The following HSD17B12 variants were observed in gnomAD, a reference collection of about 807,000 sequenced individuals.
HSD17B12 encodes the protein very-long-chain 3-oxoacyl-CoA reductase.
In HSD17B12, 32 loss-of-function variants were observed where a neutral mutation model predicts 39.3. The observed-to-expected ratio is 0.81, with a 90% CI of 0.61 to 1.09. HSD17B12 has a LOEUF of 1.09. Among genes scored for constraint, HSD17B12 ranks in the 50% least tolerant of loss-of-function variants. The probability of loss-of-function intolerance (pLI) is 0.00; values close to 1 mark genes in which losing one functional copy is unlikely to be tolerated. For missense variants in HSD17B12, 342 were observed against 382.9 expected (o/e 0.89, Z 0.89); for synonymous variants, 150 against 146.7 (o/e 1.02, Z -0.16).
chr11:43,693,357 A>G (rs922765080), intron 1 of HSD17B12, among the ~76,000 whole-genome samples: 1 of 152,202 alleles, frequency 6.6e-6, no homozygotes, highest in Non-Finnish European at 1.5e-5. Flanking sequence ...ACATCATCAC[A>G]CATTCCTGAA....
intron 6 of HSD17B12, among the ~76,000 whole-genome samples, chr11:43,824,606 G>A (rs181910788): frequency 6.6e-6 from 1 of 152,160 alleles, no homozygotes; most frequent in African/African-American, 2.4e-5. Flanking sequence ...AATACCACGT[G>A]TGAGGGTGGA....
intron 4 of HSD17B12, among the ~76,000 whole-genome samples, chr11:43,810,575 C>G (rs961619111): frequency 1.2e-4 from 19 of 152,058 alleles, no homozygotes; most frequent in African/African-American, 4.3e-4. Context: ...CTGCCCTCCA[C>G]CACCTTTTCT....
the HSD17B12 span, among the ~76,000 whole-genome samples, chr11:43,674,129 A>G: frequency 6.6e-6 from 1 of 152,238 alleles, no homozygotes; most frequent in Admixed American, 6.5e-5. Flanking sequence ...ACCTGACACT[A>G]AAGGCCAGAG....
At chr11:43,576,313 C>A in the HSD17B12 span, among the ~76,000 whole-genome samples, 4 of 152,296 alleles carry the variant, frequency 2.6e-5, no homozygotes, top group African/African-American at 9.6e-5. Context: ...GCGTTTAATG[C>A]ACATTTAATG....
chr11:43,609,347 T>A, the HSD17B12 span, among the ~76,000 whole-genome samples: 1 of 148,252 alleles, frequency 6.7e-6, no homozygotes, highest in Non-Finnish European at 1.5e-5. Flanking sequence ...AAATATAAAA[T>A]ATATATAATA....
chr11:43,796,227 T>A (rs532995937), intron 3 of HSD17B12, among the ~76,000 whole-genome samples: 1 of 152,056 alleles, frequency 6.6e-6, no homozygotes, highest in Non-Finnish European at 1.5e-5. Flanking sequence ...TCTGGAGGTT[T>A]GTGAAGAGGT....
chr11:43,725,863 A>T (rs902734712), intron 1 of HSD17B12, among the ~76,000 whole-genome samples: 1 of 152,168 alleles, frequency 6.6e-6, no homozygotes, highest in African/African-American at 2.4e-5. Flanking sequence ...AGAGGAACAG[A>T]TATGAGAAAA....
At chr11:43,806,385 C>T (rs1951018168) in intron 4 of HSD17B12, 1 of 152,228 alleles carries the variant, frequency 6.6e-6, no homozygotes, top group African/African-American at 2.4e-5. Context: ...GATATCTGCA[C>T]TCTATGTTTA....
the HSD17B12 span, among the ~76,000 whole-genome samples, chr11:43,660,138 T>C: frequency 6.6e-6 from 1 of 152,126 alleles, no homozygotes; most frequent in Non-Finnish European, 1.5e-5. Flanking sequence ...CCCTCTCTGA[T>C]TTTCCTCTTC....
At chr11:43,587,562 A>G in the HSD17B12 span, among the ~76,000 whole-genome samples, 2 of 152,188 alleles carry the variant, frequency 1.3e-5, no homozygotes, top group African/African-American at 4.8e-5. Context: ...AATATTTGGA[A>G]CTTAGTTAAT....
intron 1 of HSD17B12, among the ~76,000 whole-genome samples, chr11:43,737,752 T>C (rs1201099779): frequency 6.6e-6 from 1 of 152,100 alleles, no homozygotes; most frequent in East Asian, 1.9e-4. Flanking sequence ...CAGTGTTAAA[T>C]GAAGAAGCAA....
intron 1 of HSD17B12, among the ~76,000 whole-genome samples, chr11:43,693,224 C>T (rs1174511618): frequency 1.3e-5 from 2 of 152,126 alleles, no homozygotes; most frequent in African/African-American, 2.4e-5. Context: ...ACGATAGGAG[C>T]GATGAGCAGC....
At chr11:43,824,284 T>A (rs1951211047) in intron 6 of HSD17B12, among the ~76,000 whole-genome samples, 1 of 152,166 alleles carries the variant, frequency 6.6e-6, no homozygotes, top group African/African-American at 2.4e-5. Context: ...TCCAGGTGAC[T>A]CCAAGTGTTC....
Position 43,815,512 on chromosome 11 carries a change from C to G in HSD17B12, c.456+11C>G. The G allele has an allele frequency of 6.6e-7, 1 of 1,521,710 alleles. No homozygotes were observed. 94.3% of individuals were successfully genotyped at this position (1,521,710 alleles called of 1,614,324 possible). A position where few individuals can be genotyped will look rare whatever the true frequency, so the allele number is the denominator to read the frequency against. On this transcript the variant is annotated intron_variant, in intron 5 of 10. Coordinates refer to ENST00000278353, the MANE Select transcript of HSD17B12 (RefSeq NM_016142.3). ...CCTGACTTGGACAATGTAAGTCTTT[C>G]TTTGTGTATTATGGTAACAAAAATA...
At chr11:43,688,743 A>C (rs991399320) in intron 1 of HSD17B12, among the ~76,000 whole-genome samples, 3 of 152,222 alleles carry the variant, frequency 2.0e-5, no homozygotes, top group Non-Finnish European at 4.4e-5. Context: ...CTTTGGAGTC[A>C]GTGGGCAAGC....
chr11:43,630,115 T>C, the HSD17B12 span, among the ~76,000 whole-genome samples: 1 of 152,166 alleles, frequency 6.6e-6, no homozygotes, highest in African/African-American at 2.4e-5. Context: ...ATACTCTATC[T>C]GGCCTACAGG....
chr11:43,582,770 T>C, the HSD17B12 span, among the ~76,000 whole-genome samples: 1 of 152,110 alleles, frequency 6.6e-6, no homozygotes, highest in Admixed American at 6.5e-5. Flanking sequence ...ACAGAGTCAA[T>C]CTTTTATGGC....
chr11:43,823,239 T>C (rs1951199943), intron 6 of HSD17B12, among the ~76,000 whole-genome samples: 1 of 151,912 alleles, frequency 6.6e-6, no homozygotes, highest in African/African-American at 2.4e-5. Flanking sequence ...ACTGAGCATT[T>C]CATTTTTAGA....
At chr11:43,758,897 G>A (rs1232175025) in intron 3 of HSD17B12, among the ~76,000 whole-genome samples, 1 of 152,080 alleles carries the variant, frequency 6.6e-6, no homozygotes, top group Non-Finnish European at 1.5e-5. Flanking sequence ...ATTGGGAAGG[G>A]GCTTAACACT....
Sources: gnomAD v4.1 joint callset for allele counts (sites outside exome capture counted in the v4.1 genomes callset) on GRCh38, gnomAD v4.1.1 for gene constraint, MANE v1.5 for transcripts, NCBI Gene and HGNC (gene_info 2026-07-23, HGNC 2026-07-21) for gene names.